Variants in ADAM12 observed in about 807,000 individuals in gnomAD.
The protein encoded by ADAM12 is ADAM metallopeptidase domain 12.
Under a neutral mutation model 106.4 loss-of-function variants are expected in ADAM12, and 70 were observed. That is an observed-to-expected ratio of 0.66 (90% confidence interval 0.54 to 0.80). The LOEUF (loss-of-function observed/expected upper bound fraction) is 0.80. Among genes scored for constraint, ADAM12 ranks in the 30% least tolerant of loss-of-function variants. The pLI, the probability that ADAM12 is intolerant of heterozygous loss-of-function variation, is 0.00. For missense variants in ADAM12, 1,010 were observed against 1,171.9 expected, an observed-to-expected ratio of 0.86 and a Z score of 2.02; for synonymous variants, 420 against 433.5, an observed-to-expected ratio of 0.97 and a Z score of 0.39.
intron 5 of ADAM12, among the ~76,000 whole-genome samples, chr10:126,125,228 C>CA (rs940099511): frequency 6.9e-6 from 1 of 145,450 alleles, no homozygotes; most frequent in Admixed American, 7.1e-5. Flanking sequence ...GTATTACTTC[C>CA]TTTTTTTTTT....
At chr10:126,200,198 C>T (rs999899959) in intron 3 of ADAM12, among the ~76,000 whole-genome samples, 3 of 152,096 alleles carry the variant, frequency 2.0e-5, no homozygotes, top group Non-Finnish European at 2.9e-5. Context: ...GCAGCTCACA[C>T]GGGGACTGGA....
chr10:126,071,176 C>T (rs1954981665), intron 12 of ADAM12, among the ~76,000 whole-genome samples: 1 of 151,164 alleles, frequency 6.6e-6, no homozygotes, highest in Non-Finnish European at 1.5e-5. Flanking sequence ...GCTTTCTTCT[C>T]TGTCAAACTC....
intron 2 of ADAM12, among the ~76,000 whole-genome samples, chr10:126,293,956 T>C (rs1960263904): frequency 1.3e-5 from 2 of 152,192 alleles, no homozygotes; most frequent in Admixed American, 6.5e-5. Context: ...TTATTTCTGT[T>C]TACTCACAAA....
At chr10:126,186,014 A>C (rs1045628233) in intron 3 of ADAM12, among the ~76,000 whole-genome samples, 7 of 152,332 alleles carry the variant, frequency 4.6e-5, no homozygotes, top group Admixed American at 1.3e-4. Context: ...ACTGACCTCT[A>C]TCCGGAATGA....
chr10:126,316,783 C>CAAAAAA (rs376131530), intron 2 of ADAM12, among the ~76,000 whole-genome samples: 17 of 82,644 alleles, frequency 2.1e-4, no homozygotes, highest in East Asian at 3.1e-4. Flanking sequence ...GACCCTATCT[C>CAAAAAA]AAAAAAAAAA....
intron 11 of ADAM12, among the ~76,000 whole-genome samples, chr10:126,087,325 C>T (rs1040665098): frequency 2.0e-5 from 3 of 152,192 alleles, no homozygotes; most frequent in Non-Finnish European, 4.4e-5. Flanking sequence ...ATGCGCCCTT[C>T]TTGAACTGTT....
rs184655641 is a variant in ADAM12, at chr10:126,292,732, C to A, written c.187-13744G>T. Among the ~76,000 whole-genome samples, 33 of 152,292 alleles carry A rather than the reference C, an allele frequency of 2.2e-4. No homozygotes were observed. In the East Asian group the frequency reaches 5.8e-3, roughly 27 times the overall value. ...CTGCAGTGCAAAAGCAGTCATAGAT[C>A]ATATAAATGAATGTGGCTGTGTTCC... On this transcript the variant is annotated intron_variant, in intron 2 of 22. Coordinates refer to ENST00000448723, the MANE Select transcript of ADAM12 (RefSeq NM_001288973.2).
At chr10:126,248,906 A>G (rs1793855742) in intron 3 of ADAM12, among the ~76,000 whole-genome samples, 1 of 151,756 alleles carries the variant, frequency 6.6e-6, no homozygotes, top group South Asian at 2.1e-4. Flanking sequence ...GGTTTTCATG[A>G]TGTTGGTCAG....
rs200317403 is a variant in ADAM12, at chr10:126,338,246, A to ATTTTTTTTTTTT, written c.89-7749_89-7738dup. Among the ~76,000 whole-genome samples, 2 of 89,840 alleles carry ATTTTTTTTTTTT rather than the reference A, an allele frequency of 2.2e-5. 1 individual carries two copies. 58.9% of individuals were successfully genotyped at this position (89,840 alleles called of 152,430 possible). On this transcript the variant is annotated intron_variant, in intron 1 of 22. Coordinates refer to ENST00000448723, the MANE Select transcript of ADAM12 (RefSeq NM_001288973.2). ...AAAGTCACTTACAACAGTAACTTACATTTTTTTTTTTTTTTTTTTTTTTTG... is the reference window on the plus strand; with the variant it reads ...AAAGTCACTTACAACAGTAACTTACATTTTTTTTTTTTTTTTTTTTTTTTTTTTTTTTTTTTG...
At chr10:126,093,407 T>A (rs913372469) in intron 11 of ADAM12, among the ~76,000 whole-genome samples, 13 of 152,206 alleles carry the variant, frequency 8.5e-5, no homozygotes, top group African/African-American at 2.9e-4. Flanking sequence ...AGCATTGTAA[T>A]ATACCAAAGC....
At chr10:126,346,177 C>G (rs1261384191) in intron 1 of ADAM12, among the ~76,000 whole-genome samples, 1 of 152,124 alleles carries the variant, frequency 6.6e-6, no homozygotes, top group Non-Finnish European at 1.5e-5. Flanking sequence ...AAATTTCCCT[C>G]TACACACTGC....
chr10:126,036,216 T>TGGAG lies in ADAM12; in HGVS notation c.2455_2458dup (p.His820ProfsTer9). ...GACGCTAGGTGCACGTGGAGCCCGG[T>TGGAG]GGAGGGGAGGAAGCACTCGCTGAGT... On this transcript the variant is annotated frameshift_variant, in exon 21 of 23. Coordinates refer to ENST00000448723, the MANE Select transcript of ADAM12 (RefSeq NM_001288973.2). LOFTEE classifies it high-confidence loss of function. 1 of 1,550,122 alleles carries TGGAG rather than the reference T, an allele frequency of 6.5e-7. No individual in the cohort carries two copies. The highest frequency in any genetic ancestry group is 1.2e-5 in the South Asian group (1 of 81,922).
chr10:126,280,787 ATCTTT>A (rs1166353967), intron 2 of ADAM12, among the ~76,000 whole-genome samples: 1 of 152,152 alleles, frequency 6.6e-6, no homozygotes, highest in African/African-American at 2.4e-5. Context: ...ATTCTTACGT[ATCTTT>A]TCTGGGTTTA....
At chr10:126,081,739 A>G (rs1431725055) in intron 11 of ADAM12, among the ~76,000 whole-genome samples, 1 of 152,244 alleles carries the variant, frequency 6.6e-6, no homozygotes, top group African/African-American at 2.4e-5. Flanking sequence ...AAAAGATCAA[A>G]GTCTGGTTAA....
At chr10:126,161,398 C>T (rs1333072069) in intron 3 of ADAM12, among the ~76,000 whole-genome samples, 1 of 152,100 alleles carries the variant, frequency 6.6e-6, no homozygotes, top group Non-Finnish European at 1.5e-5. Flanking sequence ...TGACAGTGTC[C>T]GGGTGGTTTT....
intron 2 of ADAM12, among the ~76,000 whole-genome samples, chr10:126,311,484 G>C (rs560407956): frequency 1.9e-4 from 29 of 152,010 alleles, no homozygotes; most frequent in Admixed American, 1.4e-3. Flanking sequence ...GTAATTTCTC[G>C]GGTGACAGGA....
chr10:126,276,854 T>C (rs1959272522), intron 3 of ADAM12, among the ~76,000 whole-genome samples: 2 of 152,228 alleles, frequency 1.3e-5, no homozygotes, highest in African/African-American at 4.8e-5. Flanking sequence ...AAACGATATT[T>C]ATACAAATTA....
chr10:126,128,151 C>A (rs951108567), intron 5 of ADAM12, among the ~76,000 whole-genome samples: 1 of 152,026 alleles, frequency 6.6e-6, no homozygotes, highest in African/African-American at 2.4e-5. Context: ...TACCTGTAAA[C>A]CAAGGAGCAT....
intron 3 of ADAM12, among the ~76,000 whole-genome samples, chr10:126,157,740 G>A (rs796458348): frequency 1.3e-4 from 20 of 152,212 alleles, no homozygotes; most frequent in Admixed American, 9.8e-4. Flanking sequence ...CCTTGGCAGC[G>A]TTGAGCTCTG....
Sources: gnomAD v4.1 joint callset for allele counts (sites outside exome capture counted in the v4.1 genomes callset) on GRCh38, gnomAD v4.1.1 for gene constraint, MANE v1.5 for transcripts, NCBI Gene and HGNC (gene_info 2026-07-23, HGNC 2026-07-21) for gene names.